The following NPM2 variants were observed in gnomAD, a reference collection of about 807,000 sequenced individuals.
NPM2 encodes the protein nucleophosmin/nucleoplasmin 2.
NPM2 carries 25 observed loss-of-function variants against 32.0 expected under a neutral mutation model. The observed-to-expected ratio is 0.78, with a 90% CI of 0.57 to 1.09. The LOEUF (loss-of-function observed/expected upper bound fraction) is 1.09, where lower values mean the gene tolerates loss of function less well. Among genes scored for constraint, NPM2 ranks in the 50% least tolerant of loss-of-function variants. The probability of loss-of-function intolerance (pLI) is 0.00; values close to 1 mark genes in which losing one functional copy is unlikely to be tolerated. For synonymous variants in NPM2, 111 were observed against 94.2 expected (o/e 1.18, Z -1.04); for missense variants, 282 against 259.9 (o/e 1.08, Z -0.58).
At chr8:22,033,971 G>A in intron 6 of NPM2, 138 bp from the exon 7 acceptor site, 1 of 1,333,936 alleles carries the variant, frequency 7.5e-7, no homozygotes, top group South Asian at 1.6e-5. Context: ...CAGGTGGCAG[G>A]CAGGTAACCA....
intron 8 of NPM2, among the ~76,000 whole-genome samples, chr8:22,034,796 G>A (rs971305431): frequency 2.6e-5 from 4 of 152,150 alleles, no homozygotes; most frequent in Non-Finnish European, 5.9e-5. Flanking sequence ...AAATTTCAGG[G>A]GAAATTACCT....
In NPM2 at chr8:22,036,808, T is replaced by A; in HGVS notation, c.*126T>A. 1.1e-6 allele frequency: 1 copy of A among 921,216 alleles called. No individual in the cohort carries two copies. The highest frequency in any genetic ancestry group is 1.6e-6 in the Non-Finnish European group (1 of 632,832). 57.1% of individuals were successfully genotyped at this position (921,216 alleles called of 1,614,324 possible). A position where few individuals can be genotyped will look rare whatever the true frequency, so the allele number is the denominator to read the frequency against. ...CAACAGGGGTGTTGCGGGGGCAACA[T>A]GAGAGCCCCTCACCCCCAACTCTCC... is the stretch of plus-strand genomic sequence containing the variant. On this transcript the variant is annotated 3_prime_UTR_variant, in exon 10 of 10. Transcript: ENST00000518119.
intron 5 of NPM2, among the ~76,000 whole-genome samples, chr8:22,032,778 C>T (rs188657140): frequency 2.1e-3 from 317 of 152,174 alleles, no homozygotes; most frequent in Non-Finnish European, 3.2e-3. Flanking sequence ...GGGTCCTGCC[C>T]TCATGACCCC....
At chr8:22,031,408 G>T (rs1390437560) in intron 5 of NPM2, among the ~76,000 whole-genome samples, 2 of 152,156 alleles carry the variant, frequency 1.3e-5, no homozygotes, top group African/African-American at 4.8e-5. Context: ...CCTTGCCTGA[G>T]CCCAAGGCCT....
rs1800201586 is a variant in NPM2, at chr8:22,025,294, A to G, written c.46A>G (p.Thr16Ala). 6.2e-7 allele frequency: 1 copy of G among 1,610,214 alleles called. No homozygotes were observed. Among genetic ancestry groups the G allele is most frequent in the South Asian group, 1.1e-5 (1 of 90,522 alleles). ...TAGCACGGAGGAAAAGGCAGTGACG[A>G]CCGTGCTCTGGGGTGAGTGGGGACT... ...ASSTEEKAVT[T>A]VLWGCELSQE... The change falls in exon 3 of 10, where the codon ACC becomes GCC. Residue 16 changes from threonine to alanine, a missense_variant. By Grantham distance (58) the Thr-to-Ala change is moderately conservative. Transcript: ENST00000518119.
At chr8:22,025,408 C>G (rs1391242203) in intron 3 of NPM2, 28 bp from the exon 4 acceptor site, 3 of 1,610,110 alleles carry the variant, frequency 1.9e-6, no homozygotes, top group African/African-American at 1.3e-5. Context: ...AATGGAGGGC[C>G]CCACTTCCCT....
At chr8:22,031,581 G>C (rs570147317) in intron 5 of NPM2, among the ~76,000 whole-genome samples, 1 of 152,318 alleles carries the variant, frequency 6.6e-6, no homozygotes, top group South Asian at 2.1e-4. Context: ...GAGTAGCTGG[G>C]ATTACAGGTG....
chr8:22,032,807 A>G (rs1800482918), intron 5 of NPM2, among the ~76,000 whole-genome samples: 1 of 152,198 alleles, frequency 6.6e-6, no homozygotes, highest in East Asian at 1.9e-4. Context: ...TGACCTCCCA[A>G]GGCCTGCATT....
At chr8:22,032,609 A>C (rs1006577058) in intron 5 of NPM2, among the ~76,000 whole-genome samples, 2 of 152,202 alleles carry the variant, frequency 1.3e-5, no homozygotes, top group African/African-American at 4.8e-5. Context: ...GAGGTCTGAG[A>C]TCAGGGGGCC....
At chr8:22,034,965 G>A (rs184118181) in intron 8 of NPM2, among the ~76,000 whole-genome samples, 6 of 152,150 alleles carry the variant, frequency 3.9e-5, no homozygotes, top group East Asian at 3.9e-4. Context: ...AAAATTAACC[G>A]AGCCTGGTGG....
intron 8 of NPM2, 49 bp downstream of exon 8, chr8:22,034,593 A>C: frequency 6.9e-7 from 1 of 1,458,864 alleles, no homozygotes; most frequent in Non-Finnish European, 9.6e-7. Flanking sequence ...GCTGAGATAT[A>C]CAGTGTTAGA....
Position 22,036,694 on chromosome 8 carries a change from T to C in NPM2, c.*12T>C. The C allele has an allele frequency of 6.5e-7, 1 of 1,545,318 alleles. No homozygotes were observed. Among genetic ancestry groups the C allele is most frequent in the African/African-American group, 1.4e-5 (1 of 72,524 alleles). ...GATTCAAGAAATGAGGAGCCACGCC[T>C]TGGGGGGCACGGTGCAAAGTGGGCC... On this transcript the variant is annotated 3_prime_UTR_variant, in exon 10 of 10. Transcript: ENST00000518119.
At chr8:22,035,384 C>A (rs1478883747) in intron 8 of NPM2, among the ~76,000 whole-genome samples, 1 of 152,152 alleles carries the variant, frequency 6.6e-6, no homozygotes, top group Admixed American at 6.5e-5. Context: ...AGCAATCCTC[C>A]CACCTCAGCT....
intron 5 of NPM2, among the ~76,000 whole-genome samples, chr8:22,028,669 C>T (rs1228856486): frequency 6.6e-6 from 1 of 152,058 alleles, no homozygotes. Context: ...CATGTGGCTT[C>T]TCTGCTAGAA....
At chr8:22,027,749 G>A (rs774793741) in intron 5 of NPM2, among the ~76,000 whole-genome samples, 49 of 152,228 alleles carry the variant, frequency 3.2e-4, no homozygotes, top group Non-Finnish European at 5.9e-4. Context: ...TGGGATTACA[G>A]GCATGTTCCA....
At chr8:22,033,797 A>C in intron 6 of NPM2, among the ~76,000 whole-genome samples, 1 of 152,084 alleles carries the variant, frequency 6.6e-6, no homozygotes, top group East Asian at 1.9e-4. Flanking sequence ...GCCTACCTTT[A>C]GCCTTGGCCC....
rs1800618275 is a variant in NPM2 at position 22,036,319 on chromosome 8, C to T, written c.567-174C>T. ...TGGAAGCCTAAGGAAAACACATATG[C>T]GTATGCATGCACACGCACACACATC... On this transcript the variant is annotated intron_variant, in intron 8 of 9. Coordinates refer to ENST00000518119, the MANE Select transcript of NPM2 (RefSeq NM_001286680.2). 8 of 588,008 alleles carry T rather than the reference C, an allele frequency of 1.4e-5. No individual in the cohort carries two copies. The East Asian group carries it at 1.7e-4, about 13-fold the overall frequency. The allele number at this position is 588,008 out of a possible 1,614,324, so 36.4% of individuals were successfully genotyped here.
intron 8 of NPM2, among the ~76,000 whole-genome samples, chr8:22,035,959 GA>G (rs1800606033): frequency 6.8e-6 from 1 of 147,784 alleles, no homozygotes; most frequent in Non-Finnish European, 1.5e-5. Context: ...GTTTGACCAA[GA>G]AAAAAATAAT....
At chr8:22,025,140 C>G in intron 2 of NPM2, 76 bp from the exon 3 acceptor site, 2 of 1,273,384 alleles carry the variant, frequency 1.6e-6, no homozygotes, top group East Asian at 2.5e-5. Context: ...CCTGCCGATG[C>G]CTGCTGGTCT....
Sources: gnomAD v4.1 joint callset for allele counts (sites outside exome capture counted in the v4.1 genomes callset) on GRCh38, gnomAD v4.1.1 for gene constraint, MANE v1.5 for transcripts, NCBI Gene and HGNC (gene_info 2026-07-23, HGNC 2026-07-21) for gene names.